MARCHF5: variants seen among roughly 807,000 people sequenced by gnomAD.
MARCHF5 encodes E3 ubiquitin-protein ligase MARCHF5.
MARCHF5 carries 5 observed loss-of-function variants against 36.5 expected under a neutral mutation model. The ratio of observed to expected loss-of-function variants is 0.14; its 90% CI spans 0.07 to 0.29. The LOEUF (loss-of-function observed/expected upper bound fraction) is 0.29, where lower values mean the gene tolerates loss of function less well. Among genes scored for constraint, MARCHF5 ranks in the 10% least tolerant of loss-of-function variants. MARCHF5 has a pLI of 1.00. For synonymous variants in MARCHF5, 103 were observed against 109.9 expected, an observed-to-expected ratio of 0.94 and a Z score of 0.39; for missense variants, 179 against 336.3, an observed-to-expected ratio of 0.53 and a Z score of 3.66.
At chr10:92,340,599 A>G (rs1843567466) in intron 2 of MARCHF5, 74 bp from the exon 3 acceptor site, 5 of 1,392,924 alleles carry the variant, frequency 3.6e-6, no homozygotes, top group South Asian at 3.0e-5. Context: ...TTTTAGATCT[A>G]TAGAAAATAT....
chr10:92,333,673 T>C (rs1309225651), intron 2 of MARCHF5: 2 of 984,898 alleles, frequency 2.0e-6, no homozygotes, highest in Non-Finnish European at 2.4e-6. Context: ...TCATGGGACA[T>C]GGACAGGGTG....
At chr10:92,306,979 A>T (rs1255887587) in intron 1 of MARCHF5, among the ~76,000 whole-genome samples, 1 of 151,990 alleles carries the variant, frequency 6.6e-6, no homozygotes, top group Admixed American at 6.6e-5. Flanking sequence ...GCACCACTGC[A>T]CTCCAGCCTA....
Position 92,291,202 on chromosome 10 carries a change from C to T in MARCHF5, c.-293C>T, listed in dbSNP as rs943319837. 111 of 512,176 alleles carry T rather than the reference C, an allele frequency of 2.2e-4. No individual in the cohort carries two copies. The highest frequency in any genetic ancestry group is 1.5e-3 in the Middle Eastern group (3 of 1,974). The allele number at this position is 512,176 out of a possible 1,614,324, so 31.7% of individuals were successfully genotyped here. ...GGTAGCTCCTCCGCCGGCAGCAACT[C>T]GGCGCCCGCGGTCCATGGACCGGAA... On this transcript the variant is annotated 5_prime_UTR_variant, in exon 1 of 6. Coordinates refer to ENST00000358935, the MANE Select transcript of MARCHF5 (RefSeq NM_017824.5).
At chr10:92,297,796 C>CT (rs1298269288) in intron 1 of MARCHF5, among the ~76,000 whole-genome samples, 1 of 150,544 alleles carries the variant, frequency 6.6e-6, no homozygotes, top group Non-Finnish European at 1.5e-5. Context: ...GGCCTTTTTT[C>CT]TTTTTTAATC....
At chr10:92,307,199 G>GTGTGTGTGTC in intron 1 of MARCHF5, among the ~76,000 whole-genome samples, 1 of 102,506 alleles carries the variant, frequency 9.8e-6, no homozygotes, top group African/African-American at 3.2e-5. Context: ...GTGTGTGTGT[G>GTGTGTGTGTC]TGTGTGTGTG....
chr10:92,348,185 CAAA>C (rs58496139), intron 3 of MARCHF5, among the ~76,000 whole-genome samples: 3 of 121,262 alleles, frequency 2.5e-5, no homozygotes, highest in Admixed American at 8.5e-5. Flanking sequence ...AATTCCGTCT[CAAA>C]AAAAAAAAAA....
At chr10:92,350,789 A>C (rs1843706302) in intron 5 of MARCHF5, among the ~76,000 whole-genome samples, 1 of 152,196 alleles carries the variant, frequency 6.6e-6, no homozygotes, top group Non-Finnish European at 1.5e-5. Context: ...GGCAGTCTGC[A>C]CATAGTGCCC....
intron 3 of MARCHF5, among the ~76,000 whole-genome samples, chr10:92,347,281 C>T (rs767938089): frequency 1.3e-5 from 2 of 152,006 alleles, no homozygotes; most frequent in Non-Finnish European, 1.5e-5. Context: ...GTCAGGAATT[C>T]GAGACCAACC....
intron 1 of MARCHF5, among the ~76,000 whole-genome samples, chr10:92,292,043 C>G (rs1336850635): frequency 6.6e-6 from 1 of 150,982 alleles, no homozygotes; most frequent in Non-Finnish European, 1.5e-5. Flanking sequence ...CCATCCCGTC[C>G]CCACCTCCGA....
At chr10:92,339,626 C>A (rs1843551255) in intron 2 of MARCHF5, among the ~76,000 whole-genome samples, 1 of 151,972 alleles carries the variant, frequency 6.6e-6, no homozygotes, top group Non-Finnish European at 1.5e-5. Flanking sequence ...GCCATGATCG[C>A]ACCATTGCAC....
intron 3 of MARCHF5, among the ~76,000 whole-genome samples, chr10:92,346,327 A>G (rs920029773): frequency 1.3e-5 from 2 of 152,064 alleles, no homozygotes; most frequent in Admixed American, 6.6e-5. Context: ...TTAACCTGCC[A>G]TTTTAGCCCC....
intron 3 of MARCHF5, among the ~76,000 whole-genome samples, chr10:92,347,427 G>T (rs1369107609): frequency 1.3e-5 from 2 of 151,930 alleles, no homozygotes; most frequent in Admixed American, 6.6e-5. Context: ...GGAGGTTGCA[G>T]TGAGCCAAGA....
intron 2 of MARCHF5, among the ~76,000 whole-genome samples, chr10:92,323,178 A>T (rs1843312352): frequency 6.6e-6 from 1 of 152,234 alleles, no homozygotes; most frequent in East Asian, 1.9e-4. Flanking sequence ...GTTAGCTGGG[A>T]GTACAGGTGT....
At chr10:92,314,496 G>A (rs1380745286) in intron 2 of MARCHF5, among the ~76,000 whole-genome samples, 1 of 152,020 alleles carries the variant, frequency 6.6e-6, no homozygotes, top group Non-Finnish European at 1.5e-5. Context: ...ACAAAAATTA[G>A]CCAGGCGTGG....
intron 1 of MARCHF5, among the ~76,000 whole-genome samples, chr10:92,294,299 A>G (rs973222666): frequency 1.3e-5 from 2 of 152,246 alleles, no homozygotes; most frequent in African/African-American, 2.4e-5. Flanking sequence ...ATTATCATTT[A>G]TAAAATGAGA....
intron 1 of MARCHF5, among the ~76,000 whole-genome samples, chr10:92,302,531 G>A (rs1476280028): frequency 2.0e-5 from 3 of 149,090 alleles, no homozygotes; most frequent in South Asian, 2.1e-4. Context: ...TGCAACCTCC[G>A]CCTCCCGAGT....
chr10:92,297,107 A>G (rs1010494167), intron 1 of MARCHF5, among the ~76,000 whole-genome samples: 1 of 151,774 alleles, frequency 6.6e-6, no homozygotes, highest in African/African-American at 2.4e-5. Flanking sequence ...AAATGGGTTT[A>G]TATTCTTCCA....
intron 1 of MARCHF5, among the ~76,000 whole-genome samples, chr10:92,307,828 C>T (rs971060042): frequency 6.6e-6 from 1 of 152,030 alleles, no homozygotes; most frequent in South Asian, 2.1e-4. Flanking sequence ...GAGCCGAGAC[C>T]ACCACTGCAC....
chr10:92,325,857 T>G (rs1362796933), intron 2 of MARCHF5, among the ~76,000 whole-genome samples: 2 of 152,154 alleles, frequency 1.3e-5, no homozygotes, highest in East Asian at 3.9e-4. Context: ...TTTTGTATTT[T>G]GAATAGAGAT....
Sources: allele counts gnomAD v4.1 joint callset (sites outside exome capture counted in the v4.1 genomes callset), GRCh38; gene constraint gnomAD v4.1.1; transcripts MANE v1.5; gene names NCBI Gene and HGNC (gene_info 2026-07-23, HGNC 2026-07-21).